Variants in LRRC4C observed in about 807,000 individuals in gnomAD.
The protein encoded by LRRC4C is leucine rich repeat containing 4C, also known as leucine-rich repeat-containing protein 4C.
Under a neutral mutation model 33.6 loss-of-function variants are expected in LRRC4C, and 5 were observed. That is an observed-to-expected ratio of 0.15 (90% CI 0.08 to 0.31). The LOEUF (loss-of-function observed/expected upper bound fraction) is 0.31, where lower values mean the gene tolerates loss of function less well. Ranked by LOEUF, LRRC4C falls within the 10% of genes least tolerant of loss-of-function variation. The probability of loss-of-function intolerance (pLI) is 1.00; values close to 1 mark genes in which losing one functional copy is unlikely to be tolerated. For missense variants in LRRC4C, 560 were observed against 796.7 expected (o/e 0.70, Z 3.58); for synonymous variants, 329 against 302.0 (o/e 1.09, Z -0.93).
chr11:40,607,976 G>C (rs1960802104), intron 3 of LRRC4C, among the ~76,000 whole-genome samples: 1 of 152,082 alleles, frequency 6.6e-6, no homozygotes, highest in African/African-American at 2.4e-5. Flanking sequence ...TTCTCCTGTT[G>C]CATGCCCTGC....
chr11:40,688,009 A>G (rs1471187331), intron 2 of LRRC4C, among the ~76,000 whole-genome samples: 1 of 151,748 alleles, frequency 6.6e-6, no homozygotes, highest in African/African-American at 2.4e-5. Flanking sequence ...TCCTGAGGAT[A>G]TTGTAATCTA....
At chr11:40,532,947 A>C (rs1323675316) in intron 3 of LRRC4C, among the ~76,000 whole-genome samples, 2 of 152,130 alleles carry the variant, frequency 1.3e-5, no homozygotes. Context: ...AACTAAATGC[A>C]GGAGGAACTA....
At chr11:40,514,526 A>G (rs1955480930) in intron 3 of LRRC4C, among the ~76,000 whole-genome samples, 1 of 152,196 alleles carries the variant, frequency 6.6e-6, no homozygotes, top group African/African-American at 2.4e-5. Flanking sequence ...TAATAGAGTA[A>G]CGGGCATGTA....
At chr11:40,451,964 A>T (rs10837416) in intron 3 of LRRC4C, among the ~76,000 whole-genome samples, 6 of 151,914 alleles carry the variant, frequency 3.9e-5, no homozygotes, top group East Asian at 2.0e-4. Flanking sequence ...TGCAGCACAC[A>T]GAGCTTGAGC....
intron 1 of LRRC4C, among the ~76,000 whole-genome samples, chr11:41,402,022 A>T (rs946275692): frequency 3.9e-5 from 6 of 152,014 alleles, no homozygotes; most frequent in African/African-American, 1.4e-4. Flanking sequence ...AATAGGTACC[A>T]CATTAAAGAC....
chr11:40,135,167 G>C (rs1424427109), intron 6 of LRRC4C, among the ~76,000 whole-genome samples: 1 of 152,146 alleles, frequency 6.6e-6, no homozygotes, highest in Non-Finnish European at 1.5e-5. Flanking sequence ...GAAATGACTG[G>C]AATCAGTGAT....
At chr11:40,931,223 T>C (rs558810897) in intron 2 of LRRC4C, among the ~76,000 whole-genome samples, 6 of 152,154 alleles carry the variant, frequency 3.9e-5, no homozygotes, top group Non-Finnish European at 7.4e-5. Context: ...GGAAGGGAAA[T>C]GTGGAATAAT....
intron 3 of LRRC4C, among the ~76,000 whole-genome samples, chr11:40,448,160 G>C (rs186223198): frequency 2.6e-5 from 4 of 152,192 alleles, no homozygotes; most frequent in Admixed American, 2.6e-4. Flanking sequence ...AGTTCCACAA[G>C]GCCCTGCCTG....
chr11:41,407,201 G>A (rs1427805597), intron 1 of LRRC4C, among the ~76,000 whole-genome samples: 1 of 151,988 alleles, frequency 6.6e-6, no homozygotes, highest in Non-Finnish European at 1.5e-5. Flanking sequence ...GGAAACTGAA[G>A]CTCAGAGAAT....
intron 2 of LRRC4C, among the ~76,000 whole-genome samples, chr11:40,819,839 G>T (rs557885158): frequency 5.3e-5 from 8 of 151,832 alleles, no homozygotes; most frequent in Admixed American, 5.3e-4. Flanking sequence ...AATTATTAAC[G>T]TACTCAAGAT....
intron 3 of LRRC4C, among the ~76,000 whole-genome samples, chr11:40,470,720 G>A (rs1209513888): frequency 1.3e-5 from 2 of 152,108 alleles, no homozygotes; most frequent in African/African-American, 2.4e-5. Flanking sequence ...AATACAGCAC[G>A]AGACCTTTGT....
intron 1 of LRRC4C, among the ~76,000 whole-genome samples, chr11:41,216,676 T>C (rs988695054): frequency 6.6e-6 from 1 of 152,058 alleles, no homozygotes; most frequent in African/African-American, 2.4e-5. Flanking sequence ...AATTATGGAG[T>C]GCTGACAGGA....
intron 1 of LRRC4C, among the ~76,000 whole-genome samples, chr11:41,401,747 C>G (rs1439048591): frequency 2.6e-5 from 4 of 151,884 alleles, no homozygotes; most frequent in Admixed American, 2.0e-4. Flanking sequence ...TTTTTTACTT[C>G]TTTCTTGCCT....
At chr11:40,159,399 T>C (rs1858974789) in intron 5 of LRRC4C, among the ~76,000 whole-genome samples, 2 of 152,074 alleles carry the variant, frequency 1.3e-5, no homozygotes, top group Non-Finnish European at 2.9e-5. Context: ...AGTCTAAAAA[T>C]GCAATAAGAG....
intron 1 of LRRC4C, among the ~76,000 whole-genome samples, chr11:41,183,104 C>T (rs974246615): frequency 4.6e-5 from 7 of 152,056 alleles, no homozygotes; most frequent in African/African-American, 1.7e-4. Flanking sequence ...TCCCATGACT[C>T]GTGGGAATTG....
chr11:40,212,427 C>A (rs1363493873), intron 5 of LRRC4C, among the ~76,000 whole-genome samples: 1 of 149,002 alleles, frequency 6.7e-6, no homozygotes, highest in Non-Finnish European at 1.5e-5. Flanking sequence ...TGTAAAAACA[C>A]ACAACTTTTA....
At chr11:40,606,932 G>A (rs1960673115) in intron 3 of LRRC4C, among the ~76,000 whole-genome samples, 5 of 152,074 alleles carry the variant, frequency 3.3e-5, no homozygotes, top group Admixed American at 3.3e-4. Context: ...AATAGTCAAA[G>A]ATAATGAGAG....
chr11:40,971,974 G>T (rs962478476), intron 1 of LRRC4C, among the ~76,000 whole-genome samples: 8 of 152,234 alleles, frequency 5.3e-5, no homozygotes, highest in Admixed American at 2.0e-4. Context: ...TTTACCCAAT[G>T]CCTGTACCTC....
chr11:41,224,054 C>T (rs1404078000), intron 1 of LRRC4C, among the ~76,000 whole-genome samples: 2 of 152,126 alleles, frequency 1.3e-5, no homozygotes, highest in Non-Finnish European at 2.9e-5. Context: ...TTCATAATTC[C>T]TAGTGTGTTA....
Sources: allele counts gnomAD v4.1 joint callset (sites outside exome capture counted in the v4.1 genomes callset), GRCh38; gene constraint gnomAD v4.1.1; transcripts MANE v1.5; gene names NCBI Gene and HGNC (gene_info 2026-07-23, HGNC 2026-07-21).